Variants in WIPF1 observed in about 807,000 individuals in gnomAD.
WIPF1 encodes WAS/WASL-interacting protein family member 1.
WIPF1 carries 13 observed loss-of-function variants against 35.4 expected under a neutral mutation model. That is an observed-to-expected ratio of 0.37 (90% CI 0.24 to 0.58). WIPF1 has a LOEUF of 0.58. Among genes scored for constraint, WIPF1 ranks in the 20% least tolerant of loss-of-function variants. WIPF1 has a pLI of 0.74. For synonymous variants in WIPF1, 267 were observed against 266.3 expected (o/e 1.00, Z -0.02); for missense variants, 591 against 667.0 (o/e 0.89, Z 1.25).
At chr2:174,654,657 T>C (rs1404918404) in intron 1 of WIPF1, among the ~76,000 whole-genome samples, 2 of 152,132 alleles carry the variant, frequency 1.3e-5, no homozygotes, top group Non-Finnish European at 2.9e-5. Context: ...CTTGCCCTTA[T>C]TATGTCTGCA....
intron 1 of WIPF1, among the ~76,000 whole-genome samples, chr2:174,670,678 A>C (rs796142746): frequency 1.6e-4 from 25 of 152,356 alleles, no homozygotes; most frequent in African/African-American, 5.3e-4. Flanking sequence ...CCAAAACAGC[A>C]ATGCGTTGTT....
At chr2:174,623,072 C>T (rs550746742) in intron 1 of WIPF1, among the ~76,000 whole-genome samples, 7 of 152,068 alleles carry the variant, frequency 4.6e-5, no homozygotes, top group Admixed American at 3.3e-4. Flanking sequence ...ATAAGTGCTT[C>T]TTAGTGTATT....
chr2:174,658,752 G>GC (rs1311212448), intron 1 of WIPF1, among the ~76,000 whole-genome samples: 5 of 149,080 alleles, frequency 3.4e-5, no homozygotes, highest in East Asian at 2.0e-4. Context: ...GTCTGGTGGA[G>GC]CCCCCCACAG....
chr2:174,596,768 A>G (rs1338928188), intron 1 of WIPF1, among the ~76,000 whole-genome samples: 3 of 152,192 alleles, frequency 2.0e-5, no homozygotes, highest in Admixed American at 6.6e-5. Context: ...GTACTTAGTG[A>G]CTAAAGTTAT....
chr2:174,580,233 G>A (rs1366071655), intron 3 of WIPF1, among the ~76,000 whole-genome samples: 1 of 152,122 alleles, frequency 6.6e-6, no homozygotes, highest in African/African-American at 2.4e-5. Flanking sequence ...TTACAGGTGC[G>A]AGCCACTGCG....
intron 1 of WIPF1, among the ~76,000 whole-genome samples, chr2:174,671,256 A>G (rs1283901052): frequency 6.6e-6 from 1 of 152,252 alleles, no homozygotes; most frequent in Admixed American, 6.5e-5. Context: ...ATCTCTGAAC[A>G]TAAGTTATGA....
rs576385318 is a variant in WIPF1 at position 174,574,328 on chromosome 2, G to T, written c.358+876C>A. Among the ~76,000 whole-genome samples the T allele has an allele frequency of 3.3e-5, 5 of 152,142 alleles. No individual in the cohort carries two copies. In the South Asian group the frequency reaches 1.0e-3, roughly 32 times the overall value. On this transcript the variant is annotated intron_variant, in intron 4 of 7. Transcript: ENST00000679041. ...ATAAATTTAAATTCAAATTTAAATGGTGGTCTGGCAAGATAGAACCTCTCA... is the reference window on the plus strand; with the variant it reads ...ATAAATTTAAATTCAAATTTAAATGTTGGTCTGGCAAGATAGAACCTCTCA...
chr2:174,600,912 CTTTTTTT>C (rs1157973597), upstream of WIPF1, among the ~76,000 whole-genome samples: 107 of 65,412 alleles, frequency 1.6e-3, 1 homozygote, highest in South Asian at 7.2e-3. Context: ...CATAATGTTC[CTTTTTTT>C]TTTTTTTTTT....
intron 3 of WIPF1, among the ~76,000 whole-genome samples, chr2:174,578,575 T>TTA (rs1282224270): frequency 6.6e-6 from 1 of 152,246 alleles, no homozygotes; most frequent in Non-Finnish European, 1.5e-5. Flanking sequence ...GCAGATAACT[T>TTA]TATTACACTA....
chr2:174,579,327 ACATCTGTC>A (rs1685163626), intron 3 of WIPF1, among the ~76,000 whole-genome samples: 1 of 152,192 alleles, frequency 6.6e-6, no homozygotes, highest in Non-Finnish European at 1.5e-5. Context: ...TTAACCTGCA[ACATCTGTC>A]CATCTTTCAG....
chr2:174,630,048 G>C (rs959789897), intron 1 of WIPF1, among the ~76,000 whole-genome samples: 1 of 152,188 alleles, frequency 6.6e-6, no homozygotes, highest in African/African-American at 2.4e-5. Flanking sequence ...ATCACTTAGT[G>C]ACTTCTAATT....
At chr2:174,564,049 T>C (rs1013150331) in intron 7 of WIPF1, among the ~76,000 whole-genome samples, 3 of 152,110 alleles carry the variant, frequency 2.0e-5, no homozygotes, top group Non-Finnish European at 2.9e-5. Context: ...AAGTGGTTAG[T>C]AGAATGAGGG....
At chr2:174,671,819 C>G (rs527649979) in intron 1 of WIPF1, among the ~76,000 whole-genome samples, 1 of 152,288 alleles carries the variant, frequency 6.6e-6, no homozygotes, top group South Asian at 2.1e-4. Flanking sequence ...TGCTCTCAAA[C>G]CCTGTCTCCT....
intron 2 of WIPF1, among the ~76,000 whole-genome samples, chr2:174,583,226 T>C (rs1190958414): frequency 6.6e-6 from 1 of 152,244 alleles, no homozygotes; most frequent in Non-Finnish European, 1.5e-5. Flanking sequence ...TTCTCCTCTA[T>C]TGTTCTGCAA....
At chr2:174,600,273 G>T (rs572592031), upstream of WIPF1, among the ~76,000 whole-genome samples, 1 of 152,150 alleles carries the variant, frequency 6.6e-6, no homozygotes, top group African/African-American at 2.4e-5. Flanking sequence ...TGTAGTTTGA[G>T]TCTATTCCTA....
intron 1 of WIPF1, among the ~76,000 whole-genome samples, chr2:174,670,651 C>T (rs1687994903): frequency 6.6e-6 from 1 of 152,220 alleles, no homozygotes; most frequent in African/African-American, 2.4e-5. Context: ...TGCCATCTAG[C>T]ATGGTCTGCT....
chr2:174,677,389 T>C (rs559935231), intron 1 of WIPF1, among the ~76,000 whole-genome samples: 1 of 152,318 alleles, frequency 6.6e-6, no homozygotes, highest in Non-Finnish European at 1.5e-5. Flanking sequence ...AAAGGATTTT[T>C]TAAAAAGTGA....
At chr2:174,574,016 G>C (rs1304348413) in intron 4 of WIPF1, among the ~76,000 whole-genome samples, 1 of 151,332 alleles carries the variant, frequency 6.6e-6, no homozygotes, top group Admixed American at 6.6e-5. Context: ...CCGCCTCCTG[G>C]GTAGCTGCGA....
chr2:174,575,338 C>T lies in WIPF1; in HGVS notation c.224G>A (p.Gly75Asp). ...TCCTCCGCCAAATCCGCCGCCTCCACCAAAGCCACCACCACCGCCTCCAGC... is the reference window on the plus strand; with the variant it reads ...TCCTCCGCCAAATCCGCCGCCTCCATCAAAGCCACCACCACCGCCTCCAGC... ...AGAGGGGGGF[G>D]GGGGFGGGGG... The change falls in exon 4 of 8, where the codon GGT (glycine) becomes GAT (aspartate). Residue 75 changes from glycine (G) to aspartate (D), a missense_variant. Coordinates refer to ENST00000679041, the MANE Select transcript of WIPF1 (RefSeq NM_001375834.1). 2 of 1,613,664 alleles carry T rather than the reference C, an allele frequency of 1.2e-6. No homozygotes were observed. Among genetic ancestry groups the T allele is most frequent in the Non-Finnish European group, 8.5e-7 (1 of 1,179,822 alleles).
Sources: gnomAD v4.1 joint callset for allele counts (sites outside exome capture counted in the v4.1 genomes callset) on GRCh38, gnomAD v4.1.1 for gene constraint, MANE v1.5 for transcripts, NCBI Gene and HGNC (gene_info 2026-07-23, HGNC 2026-07-21) for gene names.